NRXN1: variants seen among roughly 807,000 people sequenced by gnomAD.
NRXN1 encodes neurexin-1.
In NRXN1, 39 loss-of-function variants were observed where a neutral mutation model predicts 150.9. That is an observed-to-expected ratio of 0.26 (90% CI 0.20 to 0.34). NRXN1 has a LOEUF of 0.34. Among genes scored for constraint, NRXN1 ranks in the 10% least tolerant of loss-of-function variants. The probability of loss-of-function intolerance (pLI) is 1.00; values close to 1 mark genes in which losing one functional copy is unlikely to be tolerated. For synonymous variants in NRXN1, 924 were observed against 757.0 expected (o/e 1.22, Z -3.62); for missense variants, 1,815 against 1,949.9 (o/e 0.93, Z 1.30).
Position 49,922,207 on chromosome 2 carries a change from C to G in NRXN1, c.4261G>C (p.Ala1421Pro). The change falls in exon 23 of 23, where the codon GCA becomes CCA. Residue 1421 changes from alanine (A) to proline (P), a missense_variant. By Grantham distance (27) the Ala-to-Pro change is conservative. Around this residue, in one of 6 missense-constraint regions of NRXN1, gnomAD observed 265 missense variants for 307.1 expected, o/e 0.86. Coordinates refer to ENST00000401669, the MANE Select transcript of NRXN1 (RefSeq NM_001330078.2). ...CTGCTGGACTCCCGGATCACTTCTGCTGAGCCTGGATACGGCTCTCTGCCG... is the reference window on the plus strand; with the variant it reads ...CTGCTGGACTCCCGGATCACTTCTGGTGAGCCTGGATACGGCTCTCTGCCG... ...AGGREPYPGS[A>P]EVIRESSSTT... is the part of the protein sequence containing the mutation. The G allele has an allele frequency of 6.2e-7, 1 of 1,614,188 alleles. No homozygotes were observed. Among genetic ancestry groups the G allele is most frequent in the Non-Finnish European group, 8.5e-7 (1 of 1,180,026 alleles).
chr2:50,362,896 T>C (rs763032600), intron 17 of NRXN1, among the ~76,000 whole-genome samples: 1 of 152,102 alleles, frequency 6.6e-6, no homozygotes, highest in South Asian at 2.1e-4. Flanking sequence ...AACAGATATA[T>C]AGACCAATGG....
At chr2:50,515,741 T>A (rs13012186) in intron 12 of NRXN1, among the ~76,000 whole-genome samples, 131,019 of 151,800 alleles carry the variant, frequency 0.86, 56,863 homozygotes, top group African/African-American at 0.93. Flanking sequence ...CTTTGGGGAC[T>A]GTAGTCTCTG....
chr2:50,193,257 T>C (rs2061556227), intron 18 of NRXN1, among the ~76,000 whole-genome samples: 1 of 152,132 alleles, frequency 6.6e-6, no homozygotes, highest in Non-Finnish European at 1.5e-5. Flanking sequence ...TACTTCAAAA[T>C]TAAAACTACA....
chr2:50,976,717 A>G (rs1695902345), intron 2 of NRXN1, among the ~76,000 whole-genome samples: 2 of 151,880 alleles, frequency 1.3e-5, no homozygotes, highest in Non-Finnish European at 2.9e-5. Context: ...AATTGAGCAT[A>G]CCACAAACAG....
intron 8 of NRXN1, among the ~76,000 whole-genome samples, chr2:50,572,764 C>A (rs1459996144): frequency 2.6e-5 from 4 of 152,168 alleles, no homozygotes; most frequent in African/African-American, 7.2e-5. Flanking sequence ...GTTAATAAAA[C>A]TTACTTTATT....
intron 22 of NRXN1, among the ~76,000 whole-genome samples, chr2:49,923,057 C>G (rs1668502567): frequency 6.6e-6 from 1 of 152,140 alleles, no homozygotes; most frequent in Non-Finnish European, 1.5e-5. Flanking sequence ...CAAAACCCTT[C>G]TTCAGTCTTC....
intron 18 of NRXN1, among the ~76,000 whole-genome samples, chr2:50,232,088 G>A (rs988861136): frequency 1.3e-5 from 2 of 152,050 alleles, no homozygotes; most frequent in East Asian, 3.9e-4. Flanking sequence ...AAGGAAGAGA[G>A]ATGAAGAAAT....
At chr2:50,459,174 T>G (rs1195913820) in intron 17 of NRXN1, among the ~76,000 whole-genome samples, 2 of 152,108 alleles carry the variant, frequency 1.3e-5, no homozygotes, top group Admixed American at 6.6e-5. Flanking sequence ...ATAAAAGATT[T>G]CATAAATTAT....
At chr2:50,474,933 T>C (rs957002026) in intron 15 of NRXN1, among the ~76,000 whole-genome samples, 4 of 151,086 alleles carry the variant, frequency 2.6e-5, no homozygotes, top group African/African-American at 4.9e-5. Context: ...CCTGAGATTG[T>C]ACCTTCACTA....
At chr2:50,376,951 TC>T (rs1399853998) in intron 17 of NRXN1, among the ~76,000 whole-genome samples, 1 of 122,012 alleles carries the variant, frequency 8.2e-6, no homozygotes, top group Admixed American at 8.9e-5. Flanking sequence ...TCTTTCTTTT[TC>T]TTTTCTTTTC....
chr2:50,277,514 C>G (rs80278163), intron 17 of NRXN1, among the ~76,000 whole-genome samples: 1 of 87,884 alleles, frequency 1.1e-5, no homozygotes, highest in African/African-American at 4.4e-5. Context: ...TTCCTTCCTT[C>G]CTTTTTCCTT....
chr2:50,992,772 T>C (rs1457468157), intron 2 of NRXN1, among the ~76,000 whole-genome samples: 1 of 151,952 alleles, frequency 6.6e-6, no homozygotes, highest in Admixed American at 6.6e-5. Context: ...AAACGATTCA[T>C]GTTTCTTTAG....
chr2:50,276,296 G>A (rs1198186564), intron 17 of NRXN1, among the ~76,000 whole-genome samples: 1 of 152,114 alleles, frequency 6.6e-6, no homozygotes, highest in African/African-American at 2.4e-5. Context: ...CACTCATTGT[G>A]CTTGCTGTCT....
intron 1 of NRXN1, among the ~76,000 whole-genome samples, chr2:51,031,379 A>T (rs1167218735): frequency 6.6e-6 from 1 of 152,168 alleles, no homozygotes; most frequent in Non-Finnish European, 1.5e-5. Context: ...CTGCAGTTGC[A>T]TATTTTAATG....
At chr2:50,573,662 G>C (rs894951799) in intron 8 of NRXN1, among the ~76,000 whole-genome samples, 1 of 151,784 alleles carries the variant, frequency 6.6e-6, no homozygotes, top group African/African-American at 2.4e-5. Flanking sequence ...ATGTAAACCT[G>C]AGTAGTTTCA....
intron 5 of NRXN1, among the ~76,000 whole-genome samples, chr2:50,801,570 T>C (rs986068131): frequency 3.9e-5 from 6 of 152,162 alleles, no homozygotes; most frequent in Non-Finnish European, 8.8e-5. Context: ...CAAGCTTTGA[T>C]ATTTAAAAAT....
chr2:50,126,725 A>G (rs905986929), intron 18 of NRXN1, among the ~76,000 whole-genome samples: 6 of 152,078 alleles, frequency 3.9e-5, no homozygotes, highest in Non-Finnish European at 8.8e-5. Flanking sequence ...AGAAAAAGCC[A>G]TTAACATTAA....
At chr2:50,994,941 T>A (rs1301981185) in intron 2 of NRXN1, among the ~76,000 whole-genome samples, 1 of 152,064 alleles carries the variant, frequency 6.6e-6, no homozygotes, top group African/African-American at 2.4e-5. Context: ...ATTCTCAATA[T>A]GATTTTCAGT....
intron 5 of NRXN1, among the ~76,000 whole-genome samples, chr2:50,705,010 G>A (rs919634849): frequency 1.1e-4 from 17 of 150,104 alleles, no homozygotes; most frequent in Non-Finnish European, 1.8e-4. Context: ...AATAACTTAC[G>A]AATAAAACAT....
Sources: allele counts gnomAD v4.1 joint callset (sites outside exome capture counted in the v4.1 genomes callset), GRCh38; gene constraint gnomAD v4.1.1; regional missense constraint gnomAD v4.1.1; transcripts MANE v1.5; gene names NCBI Gene and HGNC (gene_info 2026-07-23, HGNC 2026-07-21).